Variants in ROBO1 observed in about 807,000 individuals in gnomAD.
The protein encoded by ROBO1 is roundabout guidance receptor 1, also known as roundabout homolog 1.
A neutral mutation model predicts 195.9 loss-of-function variants in ROBO1; 149 were observed. That is an observed-to-expected ratio of 0.76 (90% CI 0.67 to 0.87). ROBO1 has a LOEUF of 0.87. ROBO1 is among the 40% of genes least tolerant of loss of function. ROBO1 has a pLI of 0.00. For missense variants in ROBO1, 1,933 were observed against 2,068.3 expected (o/e 0.93, Z 1.27); for synonymous variants, 816 against 733.2 (o/e 1.11, Z -1.82).
At chr3:79,676,296 T>A (rs894865913) in intron 1 of ROBO1, among the ~76,000 whole-genome samples, 2 of 152,038 alleles carry the variant, frequency 1.3e-5, no homozygotes, top group Non-Finnish European at 2.9e-5. Context: ...TAATACATAT[T>A]GTATTATCTG....
Position 78,860,139 on chromosome 3 carries a change from G to GTAGATAGATAGA in ROBO1, c.499+78450_499+78461dup, listed in dbSNP as rs766675007. Among the ~76,000 whole-genome samples the GTAGATAGATAGA allele has an allele frequency of 5.9e-3, 841 of 141,976 alleles. 5 individuals are homozygous for GTAGATAGATAGA. The highest frequency in any genetic ancestry group is 0.011 in the African/African-American group (406 of 38,066). 93.1% of individuals were successfully genotyped at this position (141,976 alleles called of 152,430 possible). On this transcript the variant is annotated intron_variant, in intron 4 of 30. Coordinates refer to ENST00000464233, the MANE Select transcript of ROBO1 (RefSeq NM_002941.4). ...GAAGGGAACATAGGTAGGTAGATAGGTAGATAGATAGATAGATAGATAGAT... is the reference window on the plus strand; with the variant it reads ...GAAGGGAACATAGGTAGGTAGATAGGTAGATAGATAGATAGATAGATAGATAGATAGATAGAT...
intron 2 of ROBO1, among the ~76,000 whole-genome samples, chr3:79,552,119 A>G (rs1230936015): frequency 1.3e-5 from 2 of 150,900 alleles, no homozygotes; most frequent in African/African-American, 4.8e-5. Context: ...TACCTGCTGT[A>G]GTAAGGAAGT....
rs2107468476 is a variant in ROBO1 at position 79,494,865 on chromosome 3, A to T, written c.88+94959T>A. Among the ~76,000 whole-genome samples, 4 of 152,320 alleles carry T rather than the reference A, an allele frequency of 2.6e-5. 1 individual carries two copies. In the East Asian group the frequency reaches 7.7e-4, roughly 29 times the overall value. On this transcript the variant is annotated intron_variant, in intron 2 of 30. Coordinates refer to ENST00000464233, the MANE Select transcript of ROBO1 (RefSeq NM_002941.4). ...GATCACTGAGTCAGATATTCTCAAGACTAATTTATCCATATGACCCCTAAT... is the reference window on the plus strand; with the variant it reads ...GATCACTGAGTCAGATATTCTCAAGTCTAATTTATCCATATGACCCCTAAT...
intron 1 of ROBO1, among the ~76,000 whole-genome samples, chr3:79,619,418 A>G (rs908603263): frequency 1.3e-5 from 2 of 151,928 alleles, no homozygotes; most frequent in Non-Finnish European, 2.9e-5. Flanking sequence ...TAAATGTCTC[A>G]TTTTCTTCTG....
chr3:79,401,093 G>T (rs2037351656), intron 2 of ROBO1, among the ~76,000 whole-genome samples: 1 of 151,594 alleles, frequency 6.6e-6, no homozygotes, highest in African/African-American at 2.4e-5. Flanking sequence ...TTCAAATTGG[G>T]TTATTAGTTT....
At chr3:79,377,168 C>T (rs1575745029) in intron 2 of ROBO1, among the ~76,000 whole-genome samples, 1 of 151,672 alleles carries the variant, frequency 6.6e-6, no homozygotes, top group East Asian at 1.9e-4. Context: ...TATATTGTGA[C>T]CCCCCTAATT....
Position 78,920,624 on chromosome 3 carries a change from G to GTTTTT in ROBO1, c.499+17972_499+17976dup, listed in dbSNP as rs34364869. ...CCAGCCTTTCTTTTTCTTTCTTTCA[G>GTTTTT]TTTTTTTTTTTTTTTTTTTTTTTTT... On this transcript the variant is annotated intron_variant, in intron 4 of 30. Transcript: ENST00000464233. 2.9e-3 allele frequency among the ~76,000 whole-genome samples: 179 copies of GTTTTT among 60,942 alleles called. 16 individuals carry two copies. Among genetic ancestry groups the GTTTTT allele is most frequent in the African/African-American group, 0.012 (168 of 13,472 alleles). 40.0% of individuals were successfully genotyped at this position (60,942 alleles called of 152,430 possible). A position where few individuals can be genotyped will look rare whatever the true frequency, so the allele number is the denominator to read the frequency against.
At chr3:79,276,321 A>C (rs1298967991) in intron 2 of ROBO1, among the ~76,000 whole-genome samples, 1 of 151,984 alleles carries the variant, frequency 6.6e-6, no homozygotes, top group African/African-American at 2.4e-5. Context: ...AATTTCATAC[A>C]TCTACACTCA....
chr3:78,960,502 C>T (rs1025789387), intron 3 of ROBO1, among the ~76,000 whole-genome samples: 2 of 151,672 alleles, frequency 1.3e-5, no homozygotes, highest in Admixed American at 6.6e-5. Flanking sequence ...ATAATGGGTC[C>T]GGGTGTGGTG....
At position 78,799,565 on chromosome 3, in the gene ROBO1, T is replaced by C. The variant is rs565241506; in HGVS notation, c.500-52665A>G. Among the ~76,000 whole-genome samples, 370 of 152,050 alleles carry C rather than the reference T, an allele frequency of 2.4e-3. 1 individual carries two copies. Among genetic ancestry groups the C allele is most frequent in the African/African-American group, 7.6e-3 (317 of 41,468 alleles). On this transcript the variant is annotated intron_variant, in intron 4 of 30. Coordinates refer to ENST00000464233, the MANE Select transcript of ROBO1 (RefSeq NM_002941.4). ...ACCGTGTTAGCCAGGATGGTCTCGA[T>C]CTCCTGACCTCGTGATCCACCCACC...
chr3:78,717,828 T>C lies in ROBO1; in HGVS notation c.713A>G (p.Tyr238Cys). The C allele has an allele frequency of 6.2e-7, 1 of 1,613,716 alleles. No homozygotes were observed. The highest frequency in any genetic ancestry group is 8.5e-7 in the Non-Finnish European group (1 of 1,179,734). ...AACCATATTGGTACCAACACAAACATATTTGCCAGCGTCACTTTTACGGGT... is the reference window on the plus strand; with the variant it reads ...AACCATATTGGTACCAACACAAACACATTTGCCAGCGTCACTTTTACGGGT... ...TYTRKSDAGKYVCVGTNMVGE... is the reference protein window; with the variant it reads ...TYTRKSDAGKCVCVGTNMVGE... Residue 238 changes from tyrosine (Y) to cysteine (C), a missense_variant, in exon 6 of 31, where the codon TAT becomes TGT. Tyr to Cys is a radical substitution (Grantham distance 194). Around this residue, in one of 3 missense-constraint regions of ROBO1, gnomAD observed 1,737 missense variants for 1,882.5 expected, o/e 0.92. Coordinates refer to ENST00000464233, the MANE Select transcript of ROBO1 (RefSeq NM_002941.4).
rs188971692 is a variant in ROBO1 at position 79,038,040 on chromosome 3, C to T, written c.172+87416G>A. On this transcript the variant is annotated intron_variant, in intron 3 of 30. Coordinates refer to ENST00000464233, the MANE Select transcript of ROBO1 (RefSeq NM_002941.4). ...TAAACTCATCTGAAGCAAGAAAGTG[C>T]CATATAATAGCACTTTCTTAAACTT... 6.8e-4 allele frequency among the ~76,000 whole-genome samples: 104 copies of T among 152,138 alleles called. 1 individual carries two copies. The highest frequency in any genetic ancestry group is 2.4e-3 in the African/African-American group (101 of 41,518).
chr3:78,917,921 G>T (rs2038713995), intron 4 of ROBO1, among the ~76,000 whole-genome samples: 1 of 152,018 alleles, frequency 6.6e-6, no homozygotes, highest in African/African-American at 2.4e-5. Context: ...ACTTTCCTAT[G>T]TGAATTCATA....
At chr3:78,961,236 A>G (rs1287649688) in intron 3 of ROBO1, among the ~76,000 whole-genome samples, 1 of 152,120 alleles carries the variant, frequency 6.6e-6, no homozygotes, top group East Asian at 1.9e-4. Flanking sequence ...AACAATTGTA[A>G]ATTTTTCATA....
intron 3 of ROBO1, among the ~76,000 whole-genome samples, chr3:78,991,313 C>T (rs1419582832): frequency 6.6e-6 from 1 of 152,102 alleles, no homozygotes; most frequent in Non-Finnish European, 1.5e-5. Context: ...TTAGAATCTG[C>T]TGCAAAAAAG....
chr3:79,683,036 C>G (rs1005434357), intron 1 of ROBO1, among the ~76,000 whole-genome samples: 1 of 151,938 alleles, frequency 6.6e-6, no homozygotes, highest in Non-Finnish European at 1.5e-5. Context: ...CAGTCCTAGT[C>G]TAAAACAATA....
chr3:79,670,753 G>A (rs928060558), intron 1 of ROBO1, among the ~76,000 whole-genome samples: 5 of 151,754 alleles, frequency 3.3e-5, no homozygotes, highest in African/African-American at 7.3e-5. Context: ...AGAAACTCAC[G>A]TACAGCCACT....
intron 3 of ROBO1, among the ~76,000 whole-genome samples, chr3:79,024,669 A>G (rs1241030643): frequency 6.6e-6 from 1 of 152,176 alleles, no homozygotes; most frequent in East Asian, 1.9e-4. Flanking sequence ...TCCCCCAGAG[A>G]GGATAGTTAT....
chr3:78,910,698 A>G (rs2107533039), intron 4 of ROBO1, among the ~76,000 whole-genome samples: 1 of 152,146 alleles, frequency 6.6e-6, no homozygotes, highest in South Asian at 2.1e-4. Context: ...AAATGTTTTT[A>G]CAATGATTTG....
Sources: gnomAD v4.1 joint callset for allele counts (sites outside exome capture counted in the v4.1 genomes callset) on GRCh38, gnomAD v4.1.1 for gene constraint, gnomAD v4.1.1 regional missense constraint, MANE v1.5 for transcripts, NCBI Gene and HGNC (gene_info 2026-07-23, HGNC 2026-07-21) for gene names.